ATF6: variants seen among roughly 807,000 people sequenced by gnomAD.
ATF6 encodes cyclic AMP-dependent transcription factor ATF-6 alpha.
A neutral mutation model predicts 83.6 loss-of-function variants in ATF6; 53 were observed. The observed-to-expected ratio is 0.63, with a 90% CI of 0.51 to 0.80. The LOEUF (loss-of-function observed/expected upper bound fraction) is 0.80, where lower values mean the gene tolerates loss of function less well. Among genes scored for constraint, ATF6 ranks in the 30% least tolerant of loss-of-function variants. The probability of loss-of-function intolerance (pLI) is 0.00; values close to 1 mark genes in which losing one functional copy is unlikely to be tolerated. For missense variants in ATF6, 744 were observed against 797.9 expected (o/e 0.93, Z 0.81); for synonymous variants, 288 against 285.8 (o/e 1.01, Z -0.08).
chr1:161,809,208 C>T (rs1015889306), intron 7 of ATF6, among the ~76,000 whole-genome samples: 10 of 151,802 alleles, frequency 6.6e-5, no homozygotes, highest in Middle Eastern at 3.4e-3. Flanking sequence ...CCCAACCCCA[C>T]GACAGGCCCT....
intron 15 of ATF6, among the ~76,000 whole-genome samples, chr1:161,916,577 A>C (rs758620450): frequency 6.6e-6 from 1 of 152,188 alleles, no homozygotes; most frequent in Non-Finnish European, 1.5e-5. Flanking sequence ...CATATATTCA[A>C]ATCTCTCCAT....
At chr1:161,849,909 G>A (rs952178975) in intron 10 of ATF6, among the ~76,000 whole-genome samples, 2 of 152,084 alleles carry the variant, frequency 1.3e-5, no homozygotes, top group East Asian at 1.9e-4. Context: ...CTACAACTGT[G>A]TTTTTTCCTT....
rs112445415 is a variant in ATF6, at chr1:161,806,682, T to C, written c.909+4410T>C. On this transcript the variant is annotated intron_variant, in intron 7 of 15. Coordinates refer to ENST00000367942, the MANE Select transcript of ATF6 (RefSeq NM_007348.4). Reference sequence around the variant, plus strand: ...TTACCCTGTTTCTAAATCCTATAGTTAGGAAACTTGATCCCTTCCATCCCA... The same window carrying C: ...TTACCCTGTTTCTAAATCCTATAGTCAGGAAACTTGATCCCTTCCATCCCA... 2.6e-3 allele frequency among the ~76,000 whole-genome samples: 389 copies of C among 152,214 alleles called. 3 individuals are homozygous for C. Among genetic ancestry groups the C allele is most frequent in the African/African-American group, 8.7e-3 (361 of 41,534 alleles).
intron 15 of ATF6, among the ~76,000 whole-genome samples, chr1:161,950,648 T>C (rs898537871): frequency 1.3e-5 from 2 of 152,162 alleles, no homozygotes; most frequent in African/African-American, 2.4e-5. Context: ...ACCTCCAAGC[T>C]GTGTTTAGGA....
At chr1:161,788,151 C>T (rs768642243) in intron 4 of ATF6, among the ~76,000 whole-genome samples, 1 of 152,216 alleles carries the variant, frequency 6.6e-6, no homozygotes, top group Non-Finnish European at 1.5e-5. Context: ...TCTCCAGGAT[C>T]ATCATAGTAC....
intron 14 of ATF6, among the ~76,000 whole-genome samples, chr1:161,892,988 C>T (rs1260415281): frequency 2.0e-5 from 3 of 151,988 alleles, no homozygotes; most frequent in Non-Finnish European, 2.9e-5. Flanking sequence ...TTTGCTACGT[C>T]GTTGAGGGGA....
rs974371566 is a variant in ATF6, at chr1:161,927,361, G to A, written c.1804+14981G>A. Among the ~76,000 whole-genome samples the A allele has an allele frequency of 6.6e-5, 10 of 152,180 alleles. No individual in the cohort carries two copies. The South Asian group carries it at 1.7e-3, about 25-fold the overall frequency. ...TGTAAAAAACATTTATAGAGACAGG[G>A]TCTCACGGTGTTGCCCAGGCTGGTC... is the stretch of plus-strand genomic sequence containing the variant. On this transcript the variant is annotated intron_variant, in intron 15 of 15. Transcript: ENST00000367942.
At chr1:161,933,781 T>A (rs1001033940) in intron 15 of ATF6, among the ~76,000 whole-genome samples, 2 of 152,214 alleles carry the variant, frequency 1.3e-5, no homozygotes, top group African/African-American at 4.8e-5. Flanking sequence ...CATTTCCTAT[T>A]GCCATCTCCC....
chr1:161,924,968 A>G (rs1688282311), intron 15 of ATF6, among the ~76,000 whole-genome samples: 1 of 152,234 alleles, frequency 6.6e-6, no homozygotes, highest in South Asian at 2.1e-4. Context: ...ACCGCCATGT[A>G]TAGAGACTGC....
At chr1:161,873,032 C>T (rs1473585589) in intron 14 of ATF6, among the ~76,000 whole-genome samples, 2 of 151,416 alleles carry the variant, frequency 1.3e-5, no homozygotes, top group Non-Finnish European at 3.0e-5. Context: ...ATTGTTCCTC[C>T]TCTGTATTGT....
At chr1:161,826,073 G>A (rs993065527) in intron 9 of ATF6, among the ~76,000 whole-genome samples, 1 of 152,062 alleles carries the variant, frequency 6.6e-6, no homozygotes, top group Non-Finnish European at 1.5e-5. Context: ...TTATTATATC[G>A]CAAATTCACA....
chr1:161,831,671 C>T (rs1686064233), intron 9 of ATF6, among the ~76,000 whole-genome samples: 1 of 151,988 alleles, frequency 6.6e-6, no homozygotes, highest in South Asian at 2.1e-4. Context: ...TGGAAACCAT[C>T]ATTCTCAGCA....
chr1:161,830,362 G>A (rs1474486104), intron 9 of ATF6, among the ~76,000 whole-genome samples: 2 of 152,054 alleles, frequency 1.3e-5, no homozygotes, highest in Non-Finnish European at 2.9e-5. Context: ...CGTGGAAATG[G>A]CCATACTGCC....
At chr1:161,766,521 G>C (rs896885185) in intron 1 of ATF6, 79 bp downstream of exon 1, 1 of 1,401,422 alleles carries the variant, frequency 7.1e-7, no homozygotes, top group Admixed American at 1.8e-5. Flanking sequence ...CCGCCCACTC[G>C]TGGTGACAGG....
At chr1:161,793,801 G>A (rs1011498357) in intron 6 of ATF6, among the ~76,000 whole-genome samples, 1 of 152,204 alleles carries the variant, frequency 6.6e-6, no homozygotes, top group Non-Finnish European at 1.5e-5. Context: ...ATCAGTTCCA[G>A]AAACCTGAAT....
chr1:161,900,071 A>AC (rs71744277), intron 14 of ATF6, among the ~76,000 whole-genome samples: 21,910 of 152,170 alleles, frequency 0.14, 2,152 homozygotes, highest in East Asian at 0.33. Context: ...GACTTAACTT[A>AC]CATCACTACG....
At chr1:161,942,885 T>G (rs1053934256) in intron 15 of ATF6, among the ~76,000 whole-genome samples, 32 of 152,332 alleles carry the variant, frequency 2.1e-4, no homozygotes, top group African/African-American at 7.2e-4. Context: ...AGACAGAGCC[T>G]CACTCTGTCA....
At chr1:161,926,454 C>T (rs1030203824) in intron 15 of ATF6, among the ~76,000 whole-genome samples, 15 of 152,128 alleles carry the variant, frequency 9.9e-5, no homozygotes, top group African/African-American at 2.2e-4. Flanking sequence ...CATTCACTCA[C>T]GCAGCAGGTG....
At chr1:161,948,822 C>T (rs540455111) in intron 15 of ATF6, among the ~76,000 whole-genome samples, 2 of 152,268 alleles carry the variant, frequency 1.3e-5, no homozygotes, top group Admixed American at 6.5e-5. Context: ...GCCGACAAAA[C>T]GATCAGTTGT....
Sources: gnomAD v4.1 joint callset for allele counts (sites outside exome capture counted in the v4.1 genomes callset) on GRCh38, gnomAD v4.1.1 for gene constraint, MANE v1.5 for transcripts, NCBI Gene and HGNC (gene_info 2026-07-23, HGNC 2026-07-21) for gene names.